The following FSTL5 variants were observed in gnomAD, a reference collection of about 807,000 sequenced individuals.
The protein encoded by FSTL5 is follistatin-related protein 5.
Under a neutral mutation model 89.1 loss-of-function variants are expected in FSTL5, and 62 were observed. The observed-to-expected ratio is 0.70, with a 90% CI of 0.57 to 0.86. The LOEUF is 0.86. Among genes scored for constraint, FSTL5 ranks in the 40% least tolerant of loss-of-function variants. The pLI, the probability that FSTL5 is intolerant of heterozygous loss-of-function variation, is 0.00. For synonymous variants in FSTL5, 383 were observed against 346.2 expected (o/e 1.11, Z -1.18); for missense variants, 1,057 against 1,001.6 (o/e 1.06, Z -0.75).
At chr4:162,116,385 G>A (rs929171462) in intron 1 of FSTL5, among the ~76,000 whole-genome samples, 1 of 152,198 alleles carries the variant, frequency 6.6e-6, no homozygotes, top group Non-Finnish European at 1.5e-5. Flanking sequence ...CGCATGTACC[G>A]TTAGCATATA....
At chr4:161,401,806 C>A (rs1190851027) in intron 15 of FSTL5, among the ~76,000 whole-genome samples, 2 of 152,134 alleles carry the variant, frequency 1.3e-5, no homozygotes, top group African/African-American at 4.8e-5. Context: ...GGATTACAGG[C>A]ATGAGCCACC....
intron 2 of FSTL5, among the ~76,000 whole-genome samples, chr4:162,037,436 GCGA>G (rs1395691170): frequency 6.6e-6 from 1 of 151,842 alleles, no homozygotes; most frequent in East Asian, 1.9e-4. Flanking sequence ...ATGGCTTTTT[GCGA>G]GAGTAGGTGA....
chr4:162,015,424 A>T (rs915248652), intron 3 of FSTL5, among the ~76,000 whole-genome samples: 1 of 152,154 alleles, frequency 6.6e-6, no homozygotes, highest in Non-Finnish European at 1.5e-5. Flanking sequence ...ATCATTTTCA[A>T]AATAGTTTCT....
intron 10 of FSTL5, among the ~76,000 whole-genome samples, chr4:161,533,164 C>G (rs145351714): frequency 2.4e-5 from 3 of 126,844 alleles, no homozygotes; most frequent in African/African-American, 8.5e-5. Context: ...AGACTTAGAA[C>G]TAGGAAAAAA....
chr4:161,908,908 CT>C (rs1448205125), intron 4 of FSTL5, among the ~76,000 whole-genome samples: 1 of 152,008 alleles, frequency 6.6e-6, no homozygotes, highest in Non-Finnish European at 1.5e-5. Flanking sequence ...TGTCAATCTC[CT>C]TTTTTTGGCA....
intron 3 of FSTL5, among the ~76,000 whole-genome samples, chr4:161,946,777 T>C (rs1403407161): frequency 6.6e-6 from 1 of 152,164 alleles, no homozygotes; most frequent in Admixed American, 6.6e-5. Context: ...GTGGAATTTC[T>C]GGGTCATAAG....
At chr4:161,766,281 ATGT>A (rs1250206414) in intron 5 of FSTL5, among the ~76,000 whole-genome samples, 3 of 70,738 alleles carry the variant, frequency 4.2e-5, no homozygotes, top group Admixed American at 1.9e-4. Context: ...CAGATTTTTC[ATGT>A]TGTTAGTACC....
At chr4:161,490,418 G>A (rs1434589475) in intron 12 of FSTL5, among the ~76,000 whole-genome samples, 1 of 152,094 alleles carries the variant, frequency 6.6e-6, no homozygotes, top group Non-Finnish European at 1.5e-5. Context: ...GCCTTTCCCT[G>A]TGATTATCTC....
intron 6 of FSTL5, among the ~76,000 whole-genome samples, chr4:161,751,953 A>G (rs1469775): frequency 0.21 from 32,558 of 152,108 alleles, 6,786 homozygotes; most frequent in African/African-American, 0.54. Context: ...AGTAGCTATA[A>G]CATTATATAA....
At chr4:162,099,321 A>T (rs1336792840) in intron 2 of FSTL5, among the ~76,000 whole-genome samples, 2 of 152,184 alleles carry the variant, frequency 1.3e-5, no homozygotes, top group Non-Finnish European at 1.5e-5. Context: ...TACTGTTTCA[A>T]GCAGAATCCA....
chr4:161,659,250 T>A (rs977405403), intron 6 of FSTL5, among the ~76,000 whole-genome samples: 1 of 152,140 alleles, frequency 6.6e-6, no homozygotes, highest in Non-Finnish European at 1.5e-5. Flanking sequence ...TAACTATATA[T>A]TTGATAATTT....
chr4:161,494,801 C>T (rs1378538684), intron 12 of FSTL5, among the ~76,000 whole-genome samples: 3 of 152,088 alleles, frequency 2.0e-5, no homozygotes, highest in African/African-American at 7.2e-5. Context: ...TGTCTCATGG[C>T]TATAATCCTA....
At chr4:161,665,212 A>C (rs1270324425) in intron 6 of FSTL5, among the ~76,000 whole-genome samples, 2 of 152,082 alleles carry the variant, frequency 1.3e-5, no homozygotes, top group Non-Finnish European at 2.9e-5. Flanking sequence ...TTTGTTTTTT[A>C]AAGAATATCA....
At chr4:161,840,938 T>A (rs945122846) in intron 4 of FSTL5, among the ~76,000 whole-genome samples, 1 of 152,116 alleles carries the variant, frequency 6.6e-6, no homozygotes, top group Non-Finnish European at 1.5e-5. Context: ...ACAGACAGAA[T>A]ATGAATTAGA....
intron 6 of FSTL5, among the ~76,000 whole-genome samples, chr4:161,754,127 A>T (rs6536613): frequency 0.07 from 10,555 of 149,818 alleles, 625 homozygotes; most frequent in African/African-American, 0.16. Context: ...GGTGATTTAA[A>T]TTTTTTTTAA....
chr4:161,758,907 A>T (rs1199527821), intron 6 of FSTL5, among the ~76,000 whole-genome samples: 5 of 152,178 alleles, frequency 3.3e-5, no homozygotes, highest in African/African-American at 1.2e-4. Flanking sequence ...ACATTTAGTC[A>T]CTCTGAAGAC....
At chr4:161,408,611 C>A (rs1484958509) in intron 15 of FSTL5, among the ~76,000 whole-genome samples, 1 of 152,060 alleles carries the variant, frequency 6.6e-6, no homozygotes, top group African/African-American at 2.4e-5. Flanking sequence ...AATTCAGAAT[C>A]CAGATGGCAA....
chr4:161,648,619 G>C (rs182593193), intron 7 of FSTL5, among the ~76,000 whole-genome samples: 2 of 152,052 alleles, frequency 1.3e-5, no homozygotes, highest in Non-Finnish European at 2.9e-5. Flanking sequence ...TGTAAGACAG[G>C]AATAAATCCA....
intron 4 of FSTL5, among the ~76,000 whole-genome samples, chr4:161,875,959 T>TA (rs1294433807): frequency 2.0e-5 from 3 of 152,314 alleles, no homozygotes; most frequent in Non-Finnish European, 4.4e-5. Flanking sequence ...AACCACAGCA[T>TA]ACAACCACAA....
Sources: gnomAD v4.1 joint callset for allele counts (sites outside exome capture counted in the v4.1 genomes callset) on GRCh38, gnomAD v4.1.1 for gene constraint, MANE v1.5 for transcripts, NCBI Gene and HGNC (gene_info 2026-07-23, HGNC 2026-07-21) for gene names.